The following CTNNA3 variants were observed in gnomAD, a reference collection of about 807,000 sequenced individuals.
The protein encoded by CTNNA3 is catenin alpha 3.
Under a neutral mutation model 95.7 loss-of-function variants are expected in CTNNA3, and 76 were observed. The ratio of observed to expected loss-of-function variants is 0.79; its 90% confidence interval spans 0.66 to 0.96. The LOEUF is 0.96. CTNNA3 is among the 40% of genes least tolerant of loss of function. CTNNA3 has a pLI of 0.00. For synonymous variants in CTNNA3, 431 were observed against 374.4 expected, an observed-to-expected ratio of 1.15 and a Z score of -1.74; for missense variants, 1,191 against 1,089.8, an observed-to-expected ratio of 1.09 and a Z score of -1.31.
chr10:66,070,645 A>G lies in CTNNA3; in HGVS notation c.1978-1156T>C, dbSNP rs7074776. Among the ~76,000 whole-genome samples, 651 of 152,280 alleles carry G rather than the reference A, an allele frequency of 4.3e-3. 5 individuals are homozygous for G. Among genetic ancestry groups the G allele is most frequent in the African/African-American group, 0.015 (630 of 41,570 alleles). Reference sequence around the variant, plus strand: ...TTCAAGAGCTGAACTGGTTAAGTGTATTCCAAGTTCAGTTACTTGGAATGC... The same window carrying G: ...TTCAAGAGCTGAACTGGTTAAGTGTGTTCCAAGTTCAGTTACTTGGAATGC... On this transcript the variant is annotated intron_variant, in intron 14 of 17. Transcript: ENST00000433211.
chr10:66,714,120 G>T (rs909380298), intron 9 of CTNNA3, among the ~76,000 whole-genome samples: 2 of 151,924 alleles, frequency 1.3e-5, no homozygotes, highest in Admixed American at 6.6e-5. Flanking sequence ...GAATCGTGAT[G>T]GTGTATTGAC....
chr10:66,802,294 T>C (rs891113493), intron 7 of CTNNA3, among the ~76,000 whole-genome samples: 2 of 151,854 alleles, frequency 1.3e-5, no homozygotes, highest in African/African-American at 4.8e-5. Flanking sequence ...AATGCATATA[T>C]CTAACAATGG....
chr10:66,240,307 T>C (rs1345136450), intron 13 of CTNNA3, among the ~76,000 whole-genome samples: 2 of 152,048 alleles, frequency 1.3e-5, no homozygotes, highest in East Asian at 3.9e-4. Context: ...AACATCAACA[T>C]TAACTTATGT....
At chr10:66,782,174 G>A (rs1037154298) in intron 7 of CTNNA3, among the ~76,000 whole-genome samples, 2 of 152,114 alleles carry the variant, frequency 1.3e-5, no homozygotes, top group Admixed American at 1.3e-4. Context: ...TGCCCATAAA[G>A]TGGAGATAAT....
At chr10:66,504,736 A>T (rs1303279764) in intron 11 of CTNNA3, among the ~76,000 whole-genome samples, 1 of 152,134 alleles carries the variant, frequency 6.6e-6, no homozygotes, top group Admixed American at 6.6e-5. Context: ...CCCCTAAATA[A>T]CTGAATACAC....
At position 66,285,842 on chromosome 10, in the gene CTNNA3, G is replaced by T. The variant is rs532189109; in HGVS notation, c.1733-5221C>A. On this transcript the variant is annotated intron_variant, in intron 12 of 17. Transcript: ENST00000433211. ...TTAAGCATATGAATAAGAAGTTCGT[G>T]CAACTGTTTTGGTTCATGCAAATAG... 2.0e-5 allele frequency among the ~76,000 whole-genome samples: 3 copies of T among 151,832 alleles called. No individual in the cohort carries two copies. In the South Asian group the frequency reaches 6.2e-4, roughly 32 times the overall value.
chr10:66,409,763 G>A (rs2093088119), intron 11 of CTNNA3, among the ~76,000 whole-genome samples: 1 of 152,132 alleles, frequency 6.6e-6, no homozygotes, highest in Admixed American at 6.5e-5. Context: ...TAATAGTTAG[G>A]TCAACATCTA....
At chr10:66,228,486 T>C (rs536952885) in intron 13 of CTNNA3, among the ~76,000 whole-genome samples, 6 of 152,206 alleles carry the variant, frequency 3.9e-5, no homozygotes, top group African/African-American at 1.4e-4. Context: ...GTTCCTCTTG[T>C]TATTAATTTC....
chr10:66,243,812 C>T (rs1286907631), intron 13 of CTNNA3, among the ~76,000 whole-genome samples: 2 of 152,178 alleles, frequency 1.3e-5, no homozygotes, highest in African/African-American at 2.4e-5. Context: ...CACCTGTTGA[C>T]CAAAGAGCCC....
In CTNNA3 at chr10:67,098,958, A is replaced by G. The variant is rs1399889549; in HGVS notation, c.1047+81359T>C. 5.3e-5 allele frequency: 8 copies of G among 152,036 alleles called. 1 individual carries two copies. Among genetic ancestry groups the G allele is most frequent in the Admixed American group, 4.6e-4 (7 of 15,218 alleles). The allele number at this position is 152,036 out of a possible 1,614,324, so 9.4% of individuals were successfully genotyped here. On this transcript the variant is annotated intron_variant, in intron 7 of 17. Transcript: ENST00000433211. ...CATATGAATTTGTTTTGCGTTGTGC[A>G]CTACATCATTTCTCTCCTGAGGAAG...
chr10:66,070,030 A>C (rs2080402307), intron 14 of CTNNA3, among the ~76,000 whole-genome samples: 1 of 152,164 alleles, frequency 6.6e-6, no homozygotes, highest in South Asian at 2.1e-4. Flanking sequence ...ACACATATTG[A>C]ATGTTCCATA....
intron 11 of CTNNA3, among the ~76,000 whole-genome samples, chr10:66,383,433 A>G (rs1014982600): frequency 3.9e-5 from 6 of 152,344 alleles, no homozygotes; most frequent in African/African-American, 1.4e-4. Flanking sequence ...CCTCCAAGAA[A>G]TATGGGACTA....
In CTNNA3 at chr10:67,219,809, T is replaced by C. The variant is rs754525958; in HGVS notation, c.641A>G (p.Asn214Ser). ...IAGARASLKE[N>S]SPLLHSICSA... Reference sequence around the variant, plus strand: ...ACAAATTGAATGCAAGAGGGGAGAGTTCTCCTTCAGTGAAGCTCGGGCTCC... The same window carrying C: ...ACAAATTGAATGCAAGAGGGGAGAGCTCTCCTTCAGTGAAGCTCGGGCTCC... Residue 214 changes from asparagine to serine, a missense_variant, in exon 6 of 18, where the codon AAC becomes AGC. Asn to Ser is a conservative substitution (Grantham distance 46). Coordinates refer to ENST00000433211, the MANE Select transcript of CTNNA3 (RefSeq NM_013266.4). 6.2e-7 allele frequency: 1 copy of C among 1,613,454 alleles called. No homozygotes were observed.
At chr10:67,713,621 T>C (rs1375304968) in intron 1 of CTNNA3, among the ~76,000 whole-genome samples, 1 of 152,200 alleles carries the variant, frequency 6.6e-6, no homozygotes, top group African/African-American at 2.4e-5. Context: ...AAGAATGAGT[T>C]CATGTCCTTT....
chr10:66,842,298 G>C (rs555087977), intron 7 of CTNNA3, among the ~76,000 whole-genome samples: 10 of 152,016 alleles, frequency 6.6e-5, no homozygotes, highest in African/African-American at 2.4e-4. Context: ...TATTGTAATG[G>C]AATATATAGA....
chr10:66,997,471 C>CATAT (rs1851419848), intron 7 of CTNNA3, among the ~76,000 whole-genome samples: 3 of 152,186 alleles, frequency 2.0e-5, no homozygotes, highest in Admixed American at 1.3e-4. Context: ...ATTTCAAAGG[C>CATAT]ATATCTAGAA....
At chr10:67,618,651 T>C (rs1323418332) in intron 2 of CTNNA3, among the ~76,000 whole-genome samples, 1 of 152,168 alleles carries the variant, frequency 6.6e-6, no homozygotes, top group Non-Finnish European at 1.5e-5. Flanking sequence ...ATGATGAATA[T>C]GAGAGATAAT....
At chr10:66,316,044 T>A (rs1179961366) in intron 12 of CTNNA3, among the ~76,000 whole-genome samples, 2 of 152,114 alleles carry the variant, frequency 1.3e-5, no homozygotes, top group East Asian at 3.9e-4. Flanking sequence ...TAAGCTCCCA[T>A]GGCATGTTTC....
At chr10:67,563,717 G>A (rs1841632271) in intron 3 of CTNNA3, among the ~76,000 whole-genome samples, 1 of 151,990 alleles carries the variant, frequency 6.6e-6, no homozygotes, top group Non-Finnish European at 1.5e-5. Context: ...CCTACAGAAT[G>A]GGAGAAAATT....
Sources: gnomAD v4.1 joint callset for allele counts (sites outside exome capture counted in the v4.1 genomes callset) on GRCh38, gnomAD v4.1.1 for gene constraint, MANE v1.5 for transcripts, NCBI Gene and HGNC (gene_info 2026-07-23, HGNC 2026-07-21) for gene names.